The following PLCD3 variants were observed in gnomAD, a reference collection of about 807,000 sequenced individuals.
PLCD3 encodes 1-phosphatidylinositol 4,5-bisphosphate phosphodiesterase delta-3.
A neutral mutation model predicts 82.8 loss-of-function variants in PLCD3; 62 were observed. That is an observed-to-expected ratio of 0.75 (90% CI 0.61 to 0.93). The LOEUF (loss-of-function observed/expected upper bound fraction) is 0.93, where lower values mean the gene tolerates loss of function less well. PLCD3 is among the 40% of genes least tolerant of loss of function. PLCD3 has a pLI of 0.00. For synonymous variants in PLCD3, 478 were observed against 471.8 expected, an observed-to-expected ratio of 1.01 and a Z score of -0.17; for missense variants, 1,023 against 1,103.4, an observed-to-expected ratio of 0.93 and a Z score of 1.03.
At position 45,112,589 on chromosome 17, in the gene PLCD3, G is replaced by C. The variant is rs1414998592; in HGVS notation, c.*27C>G. Reference sequence around the variant, plus strand: ...CAGGGGATGTGGACTGGCACTCGCAGAACCCCAAGGCGAGTGAGGTGGGCC... The same window carrying C: ...CAGGGGATGTGGACTGGCACTCGCACAACCCCAAGGCGAGTGAGGTGGGCC... On this transcript the variant is annotated 3_prime_UTR_variant, in exon 15 of 15. Coordinates refer to ENST00000619929, the MANE Select transcript of PLCD3 (RefSeq NM_133373.5). 1.9e-6 allele frequency: 3 copies of C among 1,567,546 alleles called. No individual in the cohort carries two copies. Among genetic ancestry groups the C allele is most frequent in the African/African-American group, 2.7e-5 (2 of 73,856 alleles).
chr17:45,120,639 G>A (rs1030362278), intron 3 of PLCD3, among the ~76,000 whole-genome samples, 185 bp from the exon 4 acceptor site: 2 of 152,310 alleles, frequency 1.3e-5, no homozygotes, highest in South Asian at 4.1e-4. Flanking sequence ...GCTTACCAAA[G>A]ACAGGAGGCC....
At chr17:45,115,540 G>A in intron 8 of PLCD3, 50 bp from the exon 9 acceptor site, 1 of 1,514,506 alleles carries the variant, frequency 6.6e-7, no homozygotes, top group Non-Finnish European at 9.0e-7. Flanking sequence ...TCGCCCCTGT[G>A]GCAGCCAGTC....
chr17:45,116,676 G>C lies in PLCD3; in HGVS notation c.1369C>G (p.Gln457Glu). The part of the protein sequence containing the change: ...CTILGDMLVT[Q>E]ALDSPNPEEL... The stretch of plus-strand genomic sequence containing the variant: ...TCGGGATTTGGGGAGTCCAGCGCCT[G>C]TGTCACCAGCATGTCCCCCAGGATG... Residue 457 changes from glutamine (Q) to glutamate (E), a missense_variant, in exon 8 of 15, where the codon CAG (glutamine) becomes GAG (glutamate). Gln to Glu is a conservative substitution (Grantham distance 29). Around this residue, in one of 3 missense-constraint regions of PLCD3, gnomAD observed 553 missense variants for 655.7 expected, o/e 0.84. Coordinates refer to ENST00000619929, the MANE Select transcript of PLCD3 (RefSeq NM_133373.5). 1 of 1,610,446 alleles carries C rather than the reference G, an allele frequency of 6.2e-7. No homozygotes were observed. The highest frequency in any genetic ancestry group is 1.7e-5 in the Admixed American group (1 of 59,762).
chr17:45,123,332 T>A (rs749260859), intron 1 of PLCD3, among the ~76,000 whole-genome samples: 1 of 152,212 alleles, frequency 6.6e-6, no homozygotes. Flanking sequence ...CTCTGACCAC[T>A]AACAGCACTT....
At chr17:45,119,863 G>A (rs2143568633) in intron 4 of PLCD3, among the ~76,000 whole-genome samples, 1 of 152,318 alleles carries the variant, frequency 6.6e-6, no homozygotes, top group African/African-American at 2.4e-5. Context: ...ATGGGCTCCA[G>A]CTGGGCCATA....
In PLCD3 at chr17:45,124,959, G is replaced by A. The variant is rs564189212; in HGVS notation, c.164-3587C>T. 3.3e-5 allele frequency among the ~76,000 whole-genome samples: 5 copies of A among 151,816 alleles called. No homozygotes were observed. The South Asian group carries it at 1.0e-3, about 32-fold the overall frequency. Reference sequence around the variant, plus strand: ...TAATCCCAGCACTTTGGGAGGCCAAGGCAGGCGGGTCATTTGAGGTCAGGA... The same window carrying A: ...TAATCCCAGCACTTTGGGAGGCCAAAGCAGGCGGGTCATTTGAGGTCAGGA... On this transcript the variant is annotated intron_variant, in intron 1 of 14. Transcript: ENST00000619929.
At chr17:45,120,275 G>C in intron 4 of PLCD3, 50 bp downstream of exon 4, 3 of 1,611,554 alleles carry the variant, frequency 1.9e-6, no homozygotes, top group Non-Finnish European at 2.5e-6. Flanking sequence ...GGCAGGCAGA[G>C]GTCAGAGTGA....
intron 7 of PLCD3, 54 bp downstream of exon 7, chr17:45,117,940 A>G: frequency 1.2e-6 from 2 of 1,601,112 alleles, no homozygotes. Flanking sequence ...GTGAGTGCGG[A>G]CGGAGGTCAT....
Position 45,121,320 on chromosome 17 carries a change from G to GCGGAGC in PLCD3, c.210_215dup (p.Leu71_Arg72dup). The GCGGAGC allele has an allele frequency of 1.3e-6, 2 of 1,562,062 alleles. No homozygotes were observed. The highest frequency in any genetic ancestry group is 1.7e-6 in the Non-Finnish European group (2 of 1,162,718). ...TGTGCCACGTGCGCGAGCGGATCTT[G>GCGGAGC]CGGAGCCGGGAGCCCCGCAGCATGG... On this transcript the variant is annotated inframe_insertion, in exon 2 of 15. Coordinates refer to ENST00000619929, the MANE Select transcript of PLCD3 (RefSeq NM_133373.5).
intron 1 of PLCD3, among the ~76,000 whole-genome samples, chr17:45,130,746 C>T (rs1812851276): frequency 6.6e-6 from 1 of 152,088 alleles, no homozygotes; most frequent in Non-Finnish European, 1.5e-5. Context: ...CACACTCACT[C>T]CTGCCCAAGC....
In PLCD3 at chr17:45,113,147, C is replaced by T. The variant is rs61755442; in HGVS notation, c.2106G>A (p.Gln702=). Reference sequence around the variant, plus strand: ...CATTGTTGAGCACGTAGTCAGTCTCCTGCCGGGCACAGTCTGCGGGCACCC... The same window carrying T: ...CATTGTTGAGCACGTAGTCAGTCTCTTGCCGGGCACAGTCTGCGGGCACCC... ...IHGVPADCAR[Q]ETDYVLNNGF... Residue 702 remains glutamine (Q), a synonymous_variant, in exon 13 of 15, where the codon CAG becomes CAA. Coordinates refer to ENST00000619929, the MANE Select transcript of PLCD3 (RefSeq NM_133373.5). 370 of 1,613,328 alleles carry T rather than the reference C, an allele frequency of 2.3e-4. No homozygotes were observed. Among genetic ancestry groups the T allele is most frequent in the Non-Finnish European group, 2.7e-4 (322 of 1,179,714 alleles).
rs760633014 is a variant in PLCD3 at position 45,118,246 on chromosome 17, TC to T, written c.1115+44del. The T allele has an allele frequency of 6.2e-7, 1 of 1,612,392 alleles. No individual in the cohort carries two copies. Among genetic ancestry groups the T allele is most frequent in the South Asian group, 1.1e-5 (1 of 91,018 alleles). Reference sequence around the variant, plus strand: ...GCCCCAGGAAGCCAGCCCATGTCTCTCCCCAGGTGGGGCTCCCGGAAACATT... The same window carrying T: ...GCCCCAGGAAGCCAGCCCATGTCTCTCCCAGGTGGGGCTCCCGGAAACATT... On this transcript the variant is annotated intron_variant, in intron 6 of 14. Transcript: ENST00000619929. This position sits in a 1 kb window ranked among gnomAD's most constrained non-coding sequence, Gnocchi z 4.1.
At chr17:45,127,806 G>A (rs1263465696) in intron 1 of PLCD3, among the ~76,000 whole-genome samples, 2 of 44,342 alleles carry the variant, frequency 4.5e-5, no homozygotes, top group Non-Finnish European at 7.9e-5. Flanking sequence ...GTGTGTGAGT[G>A]TGTGCGTGTG....
chr17:45,127,067 G>A (rs2054387234), intron 1 of PLCD3, among the ~76,000 whole-genome samples: 1 of 152,244 alleles, frequency 6.6e-6, no homozygotes, highest in African/African-American at 2.4e-5. Context: ...GACCCCAAAG[G>A]GCTGTGTGTG....
Position 45,120,288 on chromosome 17 carries a change from G to A in PLCD3, c.684+37C>T, listed in dbSNP as rs756616410. The A allele has an allele frequency of 9.3e-6, 15 of 1,612,902 alleles. No homozygotes were observed. In the Middle Eastern group the frequency reaches 4.9e-4, roughly 53 times the overall value. The stretch of plus-strand genomic sequence containing the variant: ...GGGGCAGGCAGAGGTCAGAGTGATG[G>A]CAGAGCCAGGGGCTGGGGTTCAGGG... On this transcript the variant is annotated intron_variant, in intron 4 of 14. Transcript: ENST00000619929.
In PLCD3 at chr17:45,124,506, G is replaced by A. The variant is rs144127215; in HGVS notation, c.164-3134C>T. 8.6e-3 allele frequency among the ~76,000 whole-genome samples: 1,316 copies of A among 152,332 alleles called. 15 individuals are homozygous for A. Among genetic ancestry groups the A allele is most frequent in the African/African-American group, 0.029 (1,203 of 41,572 alleles). On this transcript the variant is annotated intron_variant, in intron 1 of 14. Transcript: ENST00000619929. ...TGAGTCCCTGGTTGGGTGCTTCTGT[G>A]TCCCCACTGCTCGTGCTTCTGAACC...
chr17:45,127,813 TGTGA>T (rs1231434071), intron 1 of PLCD3, among the ~76,000 whole-genome samples: 1 of 34,008 alleles, frequency 2.9e-5, no homozygotes, highest in Admixed American at 2.4e-4. Flanking sequence ...AGTGTGTGCG[TGTGA>T]GTGTGTGTGT....
At chr17:45,119,950 G>A (rs1013422308) in intron 4 of PLCD3, among the ~76,000 whole-genome samples, 6 of 152,248 alleles carry the variant, frequency 3.9e-5, no homozygotes, top group African/African-American at 9.6e-5. Context: ...GAGGGTCTGC[G>A]TGGAGAAGGG....
chr17:45,120,774 G>T, intron 3 of PLCD3, 128 bp downstream of exon 3: 1 of 1,166,206 alleles, frequency 8.6e-7, no homozygotes, highest in Non-Finnish European at 1.1e-6. Flanking sequence ...CAAGGGCTCC[G>T]ACCCAGACCG....
Sources: gnomAD v4.1 joint callset for allele counts (sites outside exome capture counted in the v4.1 genomes callset) on GRCh38, gnomAD v4.1.1 for gene constraint, gnomAD v4.1.1 regional missense constraint, Gnocchi (gnomAD v3.1) non-coding constraint, MANE v1.5 for transcripts, NCBI Gene and HGNC (gene_info 2026-07-23, HGNC 2026-07-21) for gene names.